Variants in FGF14 observed in about 807,000 individuals in gnomAD.
FGF14 encodes fibroblast growth factor 14.
A neutral mutation model predicts 25.5 loss-of-function variants in FGF14; 5 were observed. The ratio of observed to expected loss-of-function variants is 0.20; its 90% CI spans 0.10 to 0.41. The LOEUF is 0.41. Among genes scored for constraint, FGF14 ranks in the 10% least tolerant of loss-of-function variants. FGF14 has a pLI of 1.00. For synonymous variants in FGF14, 138 were observed against 118.3 expected, an observed-to-expected ratio of 1.17 and a Z score of -1.08; for missense variants, 222 against 320.1, an observed-to-expected ratio of 0.69 and a Z score of 2.34.
intron 1 of FGF14, among the ~76,000 whole-genome samples, chr13:102,022,190 G>T (rs894169491): frequency 4.6e-5 from 7 of 151,942 alleles, no homozygotes; most frequent in African/African-American, 1.7e-4. Flanking sequence ...ATCTGGGCAA[G>T]AAATAGCCCT....
chr13:102,005,700 A>T (rs1373279258), intron 1 of FGF14, among the ~76,000 whole-genome samples: 1 of 152,210 alleles, frequency 6.6e-6, no homozygotes, highest in African/African-American at 2.4e-5. Context: ...ATCTTATAAA[A>T]CTAGCTAGTA....
intron 1 of FGF14, among the ~76,000 whole-genome samples, chr13:101,977,497 T>G (rs1651294119): frequency 6.6e-6 from 1 of 152,216 alleles, no homozygotes; most frequent in South Asian, 2.1e-4. Context: ...GCCATGGTAG[T>G]CAAATGGCCT....
chr13:102,114,231 C>A (rs1448896175), intron 1 of FGF14, among the ~76,000 whole-genome samples: 1 of 152,158 alleles, frequency 6.6e-6, no homozygotes, highest in African/African-American at 2.4e-5. Context: ...ATATCGAGTT[C>A]TTTGCCTGTT....
chr13:101,828,508 C>T (rs78813118), intron 3 of FGF14, among the ~76,000 whole-genome samples: 399 of 147,980 alleles, frequency 2.7e-3, no homozygotes, highest in Middle Eastern at 7.0e-3. Flanking sequence ...GAAAGCATGT[C>T]TTGTACTGTT....
Position 101,713,572 on chromosome 13 carries a change from C to T in FGF14, c.*9259G>A, listed in dbSNP as rs542904705. 1 of 152,208 alleles carries T rather than the reference C, an allele frequency of 6.6e-6. No individual in the cohort carries two copies. Among genetic ancestry groups the T allele is most frequent in the East Asian group, 1.9e-4 (1 of 5,180 alleles). 9.4% of individuals were successfully genotyped at this position (152,208 alleles called of 1,614,324 possible). On this transcript the variant is annotated 3_prime_UTR_variant, in exon 5 of 5. Transcript: ENST00000376143. Reference sequence around the variant, plus strand: ...TTCATTGTAAAGTCTTTCCTGCTGTCGTTGAGGCAGTTTTTCCATGTAAGG... The same window carrying T: ...TTCATTGTAAAGTCTTTCCTGCTGTTGTTGAGGCAGTTTTTCCATGTAAGG...
At chr13:102,219,045 C>A (rs933890104) in intron 1 of FGF14, among the ~76,000 whole-genome samples, 5 of 152,106 alleles carry the variant, frequency 3.3e-5, no homozygotes, top group African/African-American at 1.2e-4. Flanking sequence ...AATGGGGTAT[C>A]CAACACCTCA....
At chr13:102,143,625 T>C (rs1199091933) in intron 1 of FGF14, among the ~76,000 whole-genome samples, 1 of 152,220 alleles carries the variant, frequency 6.6e-6, no homozygotes, top group Non-Finnish European at 1.5e-5. Flanking sequence ...AGTTTATATC[T>C]GCCCAGTAAT....
In FGF14 at chr13:102,300,912, TGCACACAG is replaced by T. The variant is rs1309473496; in HGVS notation, c.208+100551_208+100558del. 4.0e-5 allele frequency among the ~76,000 whole-genome samples: 5 copies of T among 126,218 alleles called. No homozygotes were observed. The Admixed American group carries it at 4.6e-4, about 12-fold the overall frequency. 82.8% of individuals were successfully genotyped at this position (126,218 alleles called of 152,430 possible). A position where few individuals can be genotyped will look rare whatever the true frequency, so the allele number is the denominator to read the frequency against. ...TGACGCCCCAAAGTCCTTACCAATA[TGCACACAG>T]ACACACACACACACACATACACACA... On this transcript the variant is annotated intron_variant, in intron 1 of 4. Transcript: ENST00000376131.
chr13:101,977,758 A>G (rs2038015104), intron 1 of FGF14, among the ~76,000 whole-genome samples: 1 of 152,156 alleles, frequency 6.6e-6, no homozygotes, highest in African/African-American at 2.4e-5. Flanking sequence ...GTTCCCTGGT[A>G]TCATCTTAGA....
intron 1 of FGF14, among the ~76,000 whole-genome samples, chr13:102,100,658 C>T (rs1352285541): frequency 6.6e-6 from 1 of 152,202 alleles, no homozygotes. Context: ...GATTTAGCCT[C>T]CTGTTGAGAG....
In FGF14 at chr13:101,873,066, G is replaced by T. The variant is rs189797779; in HGVS notation, c.304+2120C>A. ...ACATATATTTACAGAACAGAAGGTG[G>T]AGTGTTTTTTAGTATCTCAGCTTTC... On this transcript the variant is annotated intron_variant, in intron 2 of 4. Transcript: ENST00000376143. Among the ~76,000 whole-genome samples the T allele has an allele frequency of 2.6e-4, 39 of 152,078 alleles. 2 individuals are homozygous for T. The highest frequency in any genetic ancestry group is 2.9e-5 in the Non-Finnish European group (2 of 67,952).
intron 1 of FGF14, among the ~76,000 whole-genome samples, chr13:102,066,466 A>G (rs1474796104): frequency 6.6e-6 from 1 of 152,184 alleles, no homozygotes; most frequent in Non-Finnish European, 1.5e-5. Context: ...ACCAAAGACA[A>G]TTAAAAGTAA....
intron 1 of FGF14, among the ~76,000 whole-genome samples, chr13:102,212,855 G>T (rs945024851): frequency 5.3e-5 from 8 of 152,120 alleles, no homozygotes; most frequent in African/African-American, 9.7e-5. Context: ...GCTTTGCTCC[G>T]TAGGAGTCTA....
chr13:101,789,900 C>T (rs66803408), intron 3 of FGF14, among the ~76,000 whole-genome samples: 6,367 of 151,500 alleles, frequency 0.042, 213 homozygotes, highest in African/African-American at 0.08. Context: ...CATTATTATT[C>T]ATATTATTAT....
At chr13:101,771,374 C>G (rs202226913) in intron 3 of FGF14, among the ~76,000 whole-genome samples, 3,597 of 120,606 alleles carry the variant, frequency 0.03, 91 homozygotes, top group South Asian at 0.077. Context: ...AATGCCCCCC[C>G]ACCCAAGTAT....
chr13:102,161,632 A>C (rs1213666850), intron 1 of FGF14, among the ~76,000 whole-genome samples: 5 of 12,124 alleles, frequency 4.1e-4, no homozygotes, highest in Admixed American at 2.2e-3. Context: ...GAAGAAGAAG[A>C]AGAAGAAGAA....
chr13:101,746,664 T>A (rs1594107966), intron 3 of FGF14, among the ~76,000 whole-genome samples: 1 of 152,086 alleles, frequency 6.6e-6, no homozygotes, highest in African/African-American at 2.4e-5. Flanking sequence ...TGTGTGATGA[T>A]CAACAGTAGG....
rs1168429869 is a variant in FGF14 at position 101,719,882 on chromosome 13, G to A, written c.*2949C>T. 2 of 151,978 alleles carry A rather than the reference G, an allele frequency of 1.3e-5. No homozygotes were observed. The highest frequency in any genetic ancestry group is 1.3e-4 in the Admixed American group (2 of 15,236). 9.4% of individuals were successfully genotyped at this position (151,978 alleles called of 1,614,324 possible). ...TAATTTCTGAGGGGAAAAAAATGGC[G>A]AAGTCTTATCCCAAACAAATAGCAA... On this transcript the variant is annotated 3_prime_UTR_variant, in exon 5 of 5. Coordinates refer to ENST00000376143, the MANE Select transcript of FGF14 (RefSeq NM_004115.4).
intron 1 of FGF14, among the ~76,000 whole-genome samples, chr13:101,885,598 G>A (rs1411988106): frequency 2.0e-5 from 3 of 152,012 alleles, no homozygotes; most frequent in African/African-American, 7.3e-5. Context: ...CTTATCCCTA[G>A]GGGTTCTATA....
Sources: gnomAD v4.1 joint callset for allele counts (sites outside exome capture counted in the v4.1 genomes callset) on GRCh38, gnomAD v4.1.1 for gene constraint, MANE v1.5 for transcripts, NCBI Gene and HGNC (gene_info 2026-07-23, HGNC 2026-07-21) for gene names.